The following PDE8B variants were observed in gnomAD, a reference collection of about 807,000 sequenced individuals.
PDE8B encodes high affinity cAMP-specific and IBMX-insensitive 3',5'-cyclic phosphodiesterase 8B.
A neutral mutation model predicts 101.3 loss-of-function variants in PDE8B; 26 were observed. That is an observed-to-expected ratio of 0.26 (90% CI 0.19 to 0.36). The LOEUF is 0.36. PDE8B is among the 10% of genes least tolerant of loss of function. The pLI, the probability that PDE8B is intolerant of heterozygous loss-of-function variation, is 1.00. For synonymous variants in PDE8B, 424 were observed against 429.3 expected, an observed-to-expected ratio of 0.99 and a Z score of 0.15; for missense variants, 810 against 1,163.1, an observed-to-expected ratio of 0.70 and a Z score of 4.42.
chr5:77,126,347 C>T, the PDE8B span, among the ~76,000 whole-genome samples: 1 of 151,852 alleles, frequency 6.6e-6, no homozygotes, highest in Non-Finnish European at 1.5e-5. Flanking sequence ...TGCCAATATA[C>T]GTCATTTGAG....
At chr5:77,167,474 G>C in the PDE8B span, among the ~76,000 whole-genome samples, 4 of 152,216 alleles carry the variant, frequency 2.6e-5, no homozygotes, top group Non-Finnish European at 5.9e-5. Context: ...TCCAAATTTA[G>C]ATTGTGTATA....
chr5:77,291,135 G>A (rs138788852), intron 1 of PDE8B: 2 of 1,610,852 alleles, frequency 1.2e-6, no homozygotes, highest in African/African-American at 1.3e-5. Context: ...TGTTCCATCA[G>A]CTCTCTTCAC....
chr5:77,159,935 T>A, the PDE8B span, among the ~76,000 whole-genome samples: 2 of 152,192 alleles, frequency 1.3e-5, no homozygotes, highest in Admixed American at 6.5e-5. Flanking sequence ...TAAATTTTAC[T>A]TCCCAGGACA....
At chr5:77,257,571 T>C (rs954682110) in intron 1 of PDE8B, among the ~76,000 whole-genome samples, 24 of 152,302 alleles carry the variant, frequency 1.6e-4, no homozygotes, top group African/African-American at 5.3e-4. Context: ...CTTCAAAATA[T>C]GTAAACACTG....
At chr5:77,143,228 A>G in the PDE8B span, among the ~76,000 whole-genome samples, 318 of 152,118 alleles carry the variant, frequency 2.1e-3, 2 homozygotes, top group Middle Eastern at 0.017. Context: ...ACATCGGAGA[A>G]CTCCTGTTCT....
intron 18 of PDE8B, among the ~76,000 whole-genome samples, chr5:77,418,902 A>G (rs572128222): frequency 6.6e-6 from 1 of 152,200 alleles, no homozygotes; most frequent in African/African-American, 2.4e-5. Context: ...AGTGGGTTAG[A>G]TGTGAGCAGG....
intron 1 of PDE8B, among the ~76,000 whole-genome samples, chr5:77,276,075 T>C (rs1463490448): frequency 3.9e-5 from 6 of 152,256 alleles, no homozygotes; most frequent in African/African-American, 1.2e-4. Flanking sequence ...CTCAAACCTC[T>C]ATGTCATTTG....
At chr5:77,266,253 A>T (rs1434833793) in intron 1 of PDE8B, among the ~76,000 whole-genome samples, 2 of 152,226 alleles carry the variant, frequency 1.3e-5, no homozygotes, top group African/African-American at 2.4e-5. Context: ...GAATCCTCCT[A>T]TGTGAATGTT....
the PDE8B span, among the ~76,000 whole-genome samples, chr5:77,157,575 G>A: frequency 6.6e-6 from 1 of 152,220 alleles, no homozygotes; most frequent in African/African-American, 2.4e-5. Context: ...TGCACATAGA[G>A]GCGTGATGGA....
At chr5:77,145,279 T>G in the PDE8B span, 3 of 152,168 alleles carry the variant, frequency 2.0e-5, no homozygotes, top group Admixed American at 2.0e-4. Flanking sequence ...TTCTTCTTGG[T>G]GCTTATAGTA....
the PDE8B span, among the ~76,000 whole-genome samples, chr5:77,094,087 C>T: frequency 4.0e-5 from 6 of 151,660 alleles, no homozygotes; most frequent in East Asian, 1.2e-3. Context: ...ACCTTCGGAA[C>T]CTGTAGGGAA....
At chr5:77,267,545 G>T (rs1020840480) in intron 1 of PDE8B, among the ~76,000 whole-genome samples, 1 of 152,142 alleles carries the variant, frequency 6.6e-6, no homozygotes, top group African/African-American at 2.4e-5. Flanking sequence ...CTGGAAGGGG[G>T]CTGTTGTGAG....
rs1581611256 is a variant in PDE8B at position 77,420,038 on chromosome 5, C to T, written c.2250+151C>T. On this transcript the variant is annotated intron_variant, in intron 19 of 21. Transcript: ENST00000264917. ...GCTGAAAGGACTGGCCACTTGTTTT[C>T]CTTGGGGATGAAAATAAACTGTGTC... 5 of 891,010 alleles carry T rather than the reference C, an allele frequency of 5.6e-6. No homozygotes were observed. In the East Asian group the frequency reaches 1.4e-4, roughly 24 times the overall value. The allele number at this position is 891,010 out of a possible 1,614,324, so 55.2% of individuals were successfully genotyped here. A position where few individuals can be genotyped will look rare whatever the true frequency, so the allele number is the denominator to read the frequency against.
chr5:77,385,989 A>G (rs1030473632), intron 10 of PDE8B, among the ~76,000 whole-genome samples: 2 of 151,838 alleles, frequency 1.3e-5, no homozygotes, highest in Non-Finnish European at 2.9e-5. Context: ...GGGTTTCACT[A>G]TGTTGGCCAG....
intron 1 of PDE8B, among the ~76,000 whole-genome samples, chr5:77,256,910 T>C (rs1310958901): frequency 6.6e-6 from 1 of 152,218 alleles, no homozygotes; most frequent in East Asian, 1.9e-4. Context: ...GTTTAACTGG[T>C]ATTTTGCTTA....
intron 6 of PDE8B, among the ~76,000 whole-genome samples, chr5:77,338,961 C>T (rs2150350712): frequency 6.6e-6 from 1 of 152,290 alleles, no homozygotes; most frequent in South Asian, 2.1e-4. Flanking sequence ...CTGCAGTGCA[C>T]ATGGGGCACT....
the PDE8B span, among the ~76,000 whole-genome samples, chr5:77,116,505 G>A: frequency 1.7e-3 from 258 of 152,208 alleles, 1 homozygote; most frequent in Middle Eastern, 3.4e-3. Flanking sequence ...ACCTCCCAAA[G>A]TGCTGGGATT....
At chr5:77,228,984 A>T (rs551125070) in intron 1 of PDE8B, among the ~76,000 whole-genome samples, 1 of 152,340 alleles carries the variant, frequency 6.6e-6, no homozygotes, top group Admixed American at 6.5e-5. Context: ...ACGGTCTGGA[A>T]TGATGTCCAG....
intron 10 of PDE8B, among the ~76,000 whole-genome samples, chr5:77,378,005 T>TA (rs1786518974): frequency 4.5e-5 from 5 of 112,340 alleles, no homozygotes; most frequent in African/African-American, 1.8e-4. Context: ...TCTCCCTCTC[T>TA]CTCTACACAC....
Sources: allele counts gnomAD v4.1 joint callset (sites outside exome capture counted in the v4.1 genomes callset), GRCh38; gene constraint gnomAD v4.1.1; transcripts MANE v1.5; gene names NCBI Gene and HGNC (gene_info 2026-07-23, HGNC 2026-07-21).